PKHD1: variants seen among roughly 807,000 people sequenced by gnomAD.
The protein encoded by PKHD1 is fibrocystin.
In PKHD1, 291 loss-of-function variants were observed where a neutral mutation model predicts 412.0. The ratio of observed to expected loss-of-function variants is 0.71; its 90% CI spans 0.64 to 0.78. PKHD1 has a LOEUF of 0.78. Ranked by LOEUF, PKHD1 falls within the 30% of genes least tolerant of loss-of-function variation. PKHD1 has a pLI of 0.00. For synonymous variants in PKHD1, 1,777 were observed against 1,821.5 expected, an observed-to-expected ratio of 0.98 and a Z score of 0.62; for missense variants, 4,825 against 4,950.7, an observed-to-expected ratio of 0.97 and a Z score of 0.76.
At position 52,025,887 on chromosome 6, in the gene PKHD1, C is replaced by A; in HGVS notation, c.3923G>T (p.Gly1308Val). ...AATPVVTAMQ[G>V]EITNSSLSLH... Reference sequence around the variant, plus strand: ...GCTCAGGCTGCTATTTGTGATTTCTCCTTGCATGGCAGTGACTACTGGTGT... The same window carrying A: ...GCTCAGGCTGCTATTTGTGATTTCTACTTGCATGGCAGTGACTACTGGTGT... The change falls in exon 32 of 67, where the codon GGA becomes GTA. Residue 1308 changes from glycine (G) to valine (V), a missense_variant. Gly to Val is a moderately radical substitution (Grantham distance 109, BLOSUM62 -3). Coordinates refer to ENST00000371117, the MANE Select transcript of PKHD1 (RefSeq NM_138694.4). 1 of 1,614,142 alleles carries A rather than the reference C, an allele frequency of 6.2e-7. No homozygotes were observed. The highest frequency in any genetic ancestry group is 8.5e-7 in the Non-Finnish European group (1 of 1,180,042).
At chr6:51,827,454 T>C (rs1306778795) in intron 52 of PKHD1, among the ~76,000 whole-genome samples, 1 of 152,144 alleles carries the variant, frequency 6.6e-6, no homozygotes, top group African/African-American at 2.4e-5. Context: ...GCTTGTCCAA[T>C]GTCACACCGT....
chr6:51,918,077 C>T (rs893928622), intron 37 of PKHD1, among the ~76,000 whole-genome samples: 4 of 152,074 alleles, frequency 2.6e-5, no homozygotes, highest in South Asian at 2.1e-4. Context: ...AGATATCAGA[C>T]CTTTGGAGCA....
intron 60 of PKHD1, among the ~76,000 whole-genome samples, chr6:51,687,296 A>C (rs930699639): frequency 2.6e-5 from 4 of 152,184 alleles, no homozygotes; most frequent in African/African-American, 9.7e-5. Context: ...ATGAAAAAAA[A>C]AGTTGCATTT....
chr6:52,060,766 T>G (rs565997639), intron 14 of PKHD1, among the ~76,000 whole-genome samples: 19 of 152,312 alleles, frequency 1.2e-4, no homozygotes, highest in Non-Finnish European at 2.2e-4. Flanking sequence ...TTTGCTTTAA[T>G]GTACATACAT....
At chr6:51,835,105 T>A (rs1442309442) in intron 51 of PKHD1, among the ~76,000 whole-genome samples, 2 of 152,236 alleles carry the variant, frequency 1.3e-5, no homozygotes, top group Non-Finnish European at 2.9e-5. Context: ...ACAGTTGTAA[T>A]GCAAGCATCT....
In PKHD1 at chr6:51,887,258, A is replaced by C; in HGVS notation, c.6997-13T>G. 6.5e-7 allele frequency: 1 copy of C among 1,542,480 alleles called. No homozygotes were observed. The highest frequency in any genetic ancestry group is 9.0e-7 in the Non-Finnish European group (1 of 1,114,622). On this transcript the variant is annotated splice_polypyrimidine_tract_variant and intron_variant, in intron 43 of 66. Transcript: ENST00000371117. Reference sequence around the variant, plus strand: ...ACACTCTGTTCCCCTACAGAAATTAAGAAGAGTTAAAAAATAGTTACCCCA... The same window carrying C: ...ACACTCTGTTCCCCTACAGAAATTACGAAGAGTTAAAAAATAGTTACCCCA...
At chr6:52,060,294 G>C (rs1808485402) in intron 14 of PKHD1, among the ~76,000 whole-genome samples, 1 of 152,162 alleles carries the variant, frequency 6.6e-6, no homozygotes, top group African/African-American at 2.4e-5. Context: ...TGTAGCCACA[G>C]CACACAGCTA....
chr6:52,027,963 G>A (rs987245444), intron 30 of PKHD1, 67 bp from the exon 31 acceptor site: 22 of 1,307,242 alleles, frequency 1.7e-5, no homozygotes, highest in East Asian at 2.3e-5. Flanking sequence ...TAAGCCAGAA[G>A]AGCCATATGT....
intron 35 of PKHD1, among the ~76,000 whole-genome samples, chr6:52,006,366 TTGTTG>T (rs1414111747): frequency 8.6e-6 from 1 of 115,774 alleles, no homozygotes; most frequent in Non-Finnish European, 2.1e-5. Context: ...GTTGTTGTTG[TTGTTG>T]TTGTTTGTTT....
At chr6:51,985,187 T>C (rs1207469341) in intron 35 of PKHD1, among the ~76,000 whole-genome samples, 1 of 152,236 alleles carries the variant, frequency 6.6e-6, no homozygotes, top group Non-Finnish European at 1.5e-5. Context: ...AGGCTATCTC[T>C]GAGTTTCATA....
At chr6:51,621,288 T>C (rs1371866761) in intron 66 of PKHD1, among the ~76,000 whole-genome samples, 1 of 152,156 alleles carries the variant, frequency 6.6e-6, no homozygotes, top group African/African-American at 2.4e-5. Context: ...ATCATCTCCA[T>C]AATTACTGCT....
intron 63 of PKHD1, among the ~76,000 whole-genome samples, chr6:51,640,056 A>G (rs1172247942): frequency 6.6e-6 from 1 of 152,228 alleles, no homozygotes; most frequent in Non-Finnish European, 1.5e-5. Context: ...ACTCAAATAA[A>G]TGATAGGTGC....
intron 60 of PKHD1, among the ~76,000 whole-genome samples, chr6:51,672,135 G>A (rs539969561): frequency 1.8e-4 from 28 of 152,202 alleles, no homozygotes; most frequent in Non-Finnish European, 3.8e-4. Context: ...TTTAGATTAT[G>A]TTCATAACAC....
At chr6:51,899,348 A>G (rs1268615451) in intron 43 of PKHD1, among the ~76,000 whole-genome samples, 1 of 151,892 alleles carries the variant, frequency 6.6e-6, no homozygotes, top group Non-Finnish European at 1.5e-5. Context: ...CCTGGGATGC[A>G]AGGCTGGTTC....
intron 60 of PKHD1, among the ~76,000 whole-genome samples, chr6:51,683,163 C>T (rs1776928076): frequency 6.6e-6 from 1 of 152,008 alleles, no homozygotes; most frequent in African/African-American, 2.4e-5. Flanking sequence ...AAGATTCTGG[C>T]TCAGAGGATT....
At chr6:51,779,786 T>G (rs1448975038) in intron 53 of PKHD1, among the ~76,000 whole-genome samples, 4 of 128,382 alleles carry the variant, frequency 3.1e-5, no homozygotes, top group African/African-American at 9.9e-5. Flanking sequence ...ACACAACTGT[T>G]GCTAAAAAAA....
At chr6:52,014,518 T>C (rs1426984457) in intron 34 of PKHD1, among the ~76,000 whole-genome samples, 1 of 151,970 alleles carries the variant, frequency 6.6e-6, no homozygotes, top group Non-Finnish European at 1.5e-5. Context: ...GATGGATGGA[T>C]GGATGGATGG....
chr6:52,056,897 G>T lies in PKHD1; in HGVS notation c.1595C>A (p.Ala532Asp). Residue 532 changes from alanine to aspartate, a missense_variant, in exon 17 of 67, where the codon GCC becomes GAC. By Grantham distance (126) the Ala-to-Asp change is moderately radical. Coordinates refer to ENST00000371117, the MANE Select transcript of PKHD1 (RefSeq NM_138694.4). Reference sequence around the variant, plus strand: ...TTTGAAGAAGTCTCCCACCAGATGGGCTGTGGCATTTGCAGGGATTGGCTG... The same window carrying T: ...TTTGAAGAAGTCTCCCACCAGATGGTCTGTGGCATTTGCAGGGATTGGCTG... ...SSQPIPANAT[A>D]HLIQTTIEEL... The T allele has an allele frequency of 6.2e-7, 1 of 1,612,168 alleles. No homozygotes were observed. Among genetic ancestry groups the T allele is most frequent in the East Asian group, 2.2e-5 (1 of 44,866 alleles).
chr6:52,066,052 A>G lies in PKHD1; in HGVS notation c.804T>C (p.Thr268=). The G allele has an allele frequency of 6.3e-7, 1 of 1,586,250 alleles. No homozygotes were observed. Among genetic ancestry groups the G allele is most frequent in the Non-Finnish European group, 8.7e-7 (1 of 1,155,256 alleles). The change falls in exon 12 of 67, where the codon ACT becomes ACC. Residue 268 remains threonine, a synonymous_variant. Coordinates refer to ENST00000371117, the MANE Select transcript of PKHD1 (RefSeq NM_138694.4). ...TGTTTGTTCTTCCCCCAAGGCTCCC[A>G]GTTTCTGGAAACACAGATAATATTT... ...HSEILSVFPE[T]GSLGGRTNIT...
Sources: gnomAD v4.1 joint callset for allele counts (sites outside exome capture counted in the v4.1 genomes callset) on GRCh38, gnomAD v4.1.1 for gene constraint, MANE v1.5 for transcripts, NCBI Gene and HGNC (gene_info 2026-07-23, HGNC 2026-07-21) for gene names.